Variants in EEFSEC observed in about 807,000 individuals in gnomAD.
The protein encoded by EEFSEC is selenocysteine-specific elongation factor.
Under a neutral mutation model 42.1 loss-of-function variants are expected in EEFSEC, and 43 were observed. The observed-to-expected ratio is 1.02, with a 90% confidence interval of 0.80 to 1.32. The LOEUF (loss-of-function observed/expected upper bound fraction) is 1.32, where lower values mean the gene tolerates loss of function less well. Ranked by LOEUF, EEFSEC falls within the 40% of genes most tolerant of loss-of-function variation. The pLI is 0.00. For missense variants in EEFSEC, 745 were observed against 803.6 expected (o/e 0.93, Z 0.88); for synonymous variants, 354 against 339.1 (o/e 1.04, Z -0.48).
intron 4 of EEFSEC, among the ~76,000 whole-genome samples, chr3:128,324,368 G>C (rs1245228616): frequency 6.6e-6 from 1 of 152,178 alleles, no homozygotes; most frequent in East Asian, 1.9e-4. Context: ...CTGCCATGGA[G>C]TGGGGGGCTT....
At chr3:128,282,665 A>G (rs2066540208) in intron 4 of EEFSEC, among the ~76,000 whole-genome samples, 1 of 152,176 alleles carries the variant, frequency 6.6e-6, no homozygotes, top group Admixed American at 6.5e-5. Context: ...GGGACTTGGT[A>G]TGTGAAGATT....
intron 1 of EEFSEC, among the ~76,000 whole-genome samples, chr3:128,193,929 C>T (rs973283812): frequency 5.9e-5 from 9 of 152,162 alleles, no homozygotes; most frequent in African/African-American, 1.9e-4. Context: ...GAGAATGAGC[C>T]ATGAAGGCTG....
At chr3:128,203,282 A>G (rs2065660977) in intron 1 of EEFSEC, among the ~76,000 whole-genome samples, 1 of 152,232 alleles carries the variant, frequency 6.6e-6, no homozygotes, top group Admixed American at 6.5e-5. Context: ...TGATGCTTAT[A>G]TCATGGCAAA....
intron 1 of EEFSEC, among the ~76,000 whole-genome samples, chr3:128,235,126 G>A (rs12637873): frequency 0.35 from 52,948 of 151,810 alleles, 11,267 homozygotes; most frequent in Non-Finnish European, 0.47. Context: ...GTGCAGTGGC[G>A]TGATCTTGGC....
At chr3:128,396,027 GCCCTGCAGGTGT>G (rs961388120) in intron 6 of EEFSEC, among the ~76,000 whole-genome samples, 1 of 152,198 alleles carries the variant, frequency 6.6e-6, no homozygotes, top group African/African-American at 2.4e-5. Flanking sequence ...ATCCCTGCCT[GCCCTGCAGGTGT>G]CAAGGCCTGC....
chr3:128,348,287 TGTGTGC>T (rs1296664319), intron 5 of EEFSEC, among the ~76,000 whole-genome samples: 2 of 151,840 alleles, frequency 1.3e-5, no homozygotes, highest in African/African-American at 4.8e-5. Flanking sequence ...CGTGTGTGTG[TGTGTGC>T]GTGTGTGTGT....
downstream of EEFSEC, among the ~76,000 whole-genome samples, chr3:128,413,480 G>A (rs57393586): frequency 0.085 from 12,880 of 152,144 alleles, 1,215 homozygotes; most frequent in African/African-American, 0.23. Context: ...GTGGCCTGCG[G>A]CCCCCTCTGC....
chr3:128,297,970 C>T (rs981595346), intron 4 of EEFSEC, among the ~76,000 whole-genome samples: 3 of 152,208 alleles, frequency 2.0e-5, no homozygotes, highest in Non-Finnish European at 4.4e-5. Context: ...TCAGTAGGCC[C>T]TGGGACAGCC....
At chr3:128,231,428 C>T (rs759113781) in intron 1 of EEFSEC, among the ~76,000 whole-genome samples, 1 of 152,062 alleles carries the variant, frequency 6.6e-6, no homozygotes, top group Admixed American at 6.5e-5. Flanking sequence ...CTGGCTCTCC[C>T]GTCTCATGGA....
At chr3:128,168,791 T>TA (rs1393050464) in intron 1 of EEFSEC, among the ~76,000 whole-genome samples, 22 of 151,782 alleles carry the variant, frequency 1.4e-4, no homozygotes, top group African/African-American at 5.1e-4. Context: ...TTCTGTCACT[T>TA]ACTCTTTGCG....
At chr3:128,319,549 C>T (rs1323949353) in intron 4 of EEFSEC, among the ~76,000 whole-genome samples, 4 of 152,186 alleles carry the variant, frequency 2.6e-5, no homozygotes, top group Non-Finnish European at 4.4e-5. Flanking sequence ...TTGCACAAAG[C>T]GTATGCCCTT....
chr3:128,283,547 T>C (rs2066551909), intron 4 of EEFSEC, among the ~76,000 whole-genome samples: 1 of 152,178 alleles, frequency 6.6e-6, no homozygotes, highest in South Asian at 2.1e-4. Flanking sequence ...GCCTCTGTGC[T>C]TCCTTCCAGT....
intron 5 of EEFSEC, among the ~76,000 whole-genome samples, chr3:128,348,934 G>A (rs1441368283): frequency 6.6e-6 from 1 of 152,218 alleles, no homozygotes; most frequent in Non-Finnish European, 1.5e-5. Context: ...AATATGCAGA[G>A]GGCTAGGAGA....
intron 5 of EEFSEC, among the ~76,000 whole-genome samples, chr3:128,357,037 T>C (rs868514950): frequency 1.3e-5 from 2 of 152,242 alleles, no homozygotes; most frequent in Admixed American, 6.5e-5. Flanking sequence ...AGAAGTGAAA[T>C]TGATGGTCCA....
At chr3:128,236,581 C>T (rs1271058799) in intron 1 of EEFSEC, among the ~76,000 whole-genome samples, 2 of 111,770 alleles carry the variant, frequency 1.8e-5, no homozygotes, top group African/African-American at 5.0e-5. Flanking sequence ...TTTTAATTTG[C>T]ATTTTTTTGT....
At chr3:128,198,181 C>T (rs1306903365) in intron 1 of EEFSEC, among the ~76,000 whole-genome samples, 1 of 152,180 alleles carries the variant, frequency 6.6e-6, no homozygotes, top group Non-Finnish European at 1.5e-5. Flanking sequence ...GAGGTCAGCT[C>T]TTCTTGCCTC....
chr3:128,385,393 C>T (rs1335770326), intron 6 of EEFSEC, among the ~76,000 whole-genome samples: 1 of 152,204 alleles, frequency 6.6e-6, no homozygotes, highest in East Asian at 1.9e-4. Flanking sequence ...CCACCTGCTG[C>T]CCTGGGAATG....
At chr3:128,397,771 C>T (rs1576702845) in intron 6 of EEFSEC, among the ~76,000 whole-genome samples, 3 of 152,390 alleles carry the variant, frequency 2.0e-5, no homozygotes, top group African/African-American at 7.2e-5. Flanking sequence ...ACGGAGGAGT[C>T]GGGCATCCAC....
intron 6 of EEFSEC, among the ~76,000 whole-genome samples, chr3:128,391,614 C>T (rs1047070575): frequency 1.3e-5 from 2 of 152,210 alleles, no homozygotes; most frequent in African/African-American, 2.4e-5. Context: ...TGACCCTCAC[C>T]GATGGGCTCT....
Sources: allele counts gnomAD v4.1 joint callset (sites outside exome capture counted in the v4.1 genomes callset), GRCh38; gene constraint gnomAD v4.1.1; transcripts MANE v1.5; gene names NCBI Gene and HGNC (gene_info 2026-07-23, HGNC 2026-07-21).